The following COL18A1 variants were observed in gnomAD, a reference collection of about 807,000 sequenced individuals.
COL18A1 encodes the protein collagen type XVIII alpha 1 chain, also known as collagen alpha-1(XVIII) chain.
A neutral mutation model predicts 168.0 loss-of-function variants in COL18A1; 133 were observed. That is an observed-to-expected ratio of 0.79 (90% CI 0.69 to 0.91). COL18A1 has a LOEUF of 0.91. Among genes scored for constraint, COL18A1 ranks in the 40% least tolerant of loss-of-function variants. The pLI is 0.00. For synonymous variants in COL18A1, 949 were observed against 809.0 expected (o/e 1.17, Z -2.94); for missense variants, 2,126 against 1,925.4 (o/e 1.10, Z -1.95).
rs1409678424 is a variant in COL18A1 at position 45,504,443 on chromosome 21, G to A, written c.2755G>A (p.Gly919Arg). The A allele has an allele frequency of 2.5e-6, 4 of 1,611,660 alleles. No individual in the cohort carries two copies. The highest frequency in any genetic ancestry group is 1.3e-5 in the African/African-American group (1 of 74,908). The change falls in exon 34 of 42, where the codon GGA (glycine) becomes AGA (arginine). Residue 919 changes from glycine to arginine, a missense_variant. By Grantham distance (125) the Gly-to-Arg change is moderately radical. Coordinates refer to ENST00000651438, the MANE Select transcript of COL18A1 (RefSeq NM_001379500.1). The part of the protein sequence containing the change: ...KGEKGDRGDA[G>R]QKGERGEPGG... ...GGAGAAGGGAGACCGAGGTGATGCAGGACAGAAAGGCGAAAGGGGGGAGCC... is the reference window on the plus strand; with the variant it reads ...GGAGAAGGGAGACCGAGGTGATGCAAGACAGAAAGGCGAAAGGGGGGAGCC...
chr21:45,431,520 G>A (rs1239566732), intron 2 of COL18A1, among the ~76,000 whole-genome samples: 2 of 121,956 alleles, frequency 1.6e-5, no homozygotes, highest in Non-Finnish European at 3.3e-5. Context: ...GCCCAGGGGA[G>A]GGGGGCAGGC....
chr21:45,444,649 CG>C (rs2034466973), intron 2 of COL18A1, among the ~76,000 whole-genome samples: 1 of 151,972 alleles, frequency 6.6e-6, no homozygotes. Flanking sequence ...AGAGAGGCTC[CG>C]GGGAGTGGAG....
rs891700264 is a variant in COL18A1 at position 45,464,467 on chromosome 21, C to A, written c.107-3775C>A. The stretch of plus-strand genomic sequence containing the variant: ...AGGTGGGGGCACCGTGTCCATCCCC[C>A]CATGGGTTTGTGCCAATTTGCATAT... On this transcript the variant is annotated intron_variant, in intron 2 of 41. Transcript: ENST00000651438. 1.5e-4 allele frequency among the ~76,000 whole-genome samples: 23 copies of A among 152,200 alleles called. 1 individual carries two copies. The highest frequency in any genetic ancestry group is 1.5e-3 in the Admixed American group (23 of 15,288).
chr21:45,507,695 G>A (rs1195328907), intron 38 of COL18A1, 102 bp downstream of exon 38: 3 of 1,119,152 alleles, frequency 2.7e-6, no homozygotes, highest in African/African-American at 1.5e-5. Context: ...TTGGAGTCCT[G>A]GAGCTGAACA....
chr21:45,439,416 C>T (rs534123964), intron 2 of COL18A1, among the ~76,000 whole-genome samples: 4 of 152,256 alleles, frequency 2.6e-5, no homozygotes, highest in African/African-American at 9.6e-5. Context: ...GAGGTCATGA[C>T]CTTTTACTTT....
intron 2 of COL18A1, among the ~76,000 whole-genome samples, chr21:45,450,642 G>C (rs192543724): frequency 6.6e-6 from 1 of 152,350 alleles, no homozygotes; most frequent in East Asian, 1.9e-4. Flanking sequence ...TCGGGGCAGG[G>C]CGGAGACAGT....
chr21:45,452,867 T>C (rs983204308), intron 2 of COL18A1, among the ~76,000 whole-genome samples: 2 of 152,192 alleles, frequency 1.3e-5, no homozygotes, highest in Non-Finnish European at 2.9e-5. Context: ...GGGGCTTGTG[T>C]ATGCATGTGA....
chr21:45,494,701 G>T, intron 27 of COL18A1, 130 bp downstream of exon 27: 3 of 1,432,840 alleles, frequency 2.1e-6, no homozygotes, highest in Non-Finnish European at 2.0e-6. Context: ...TTTAAAGCGT[G>T]TGGGGCAGGT....
chr21:45,494,315 A>G (rs1306138187), intron 26 of COL18A1: 3 of 592,272 alleles, frequency 5.1e-6, no homozygotes, highest in South Asian at 1.9e-5. Flanking sequence ...ACCTGGACGC[A>G]AACCCCAAAC....
At chr21:45,467,576 G>A (rs573960704) in intron 2 of COL18A1, among the ~76,000 whole-genome samples, 231 of 152,288 alleles carry the variant, frequency 1.5e-3, no homozygotes, top group African/African-American at 5.5e-3. Context: ...ATCCCGCACC[G>A]TGTCCTCAGA....
chr21:45,496,993 G>A, intron 30 of COL18A1, 57 bp from the exon 31 acceptor site: 1 of 1,254,188 alleles, frequency 8.0e-7, no homozygotes, highest in Non-Finnish European at 1.2e-6. Context: ...CCTGAGTGGT[G>A]GTGGCCTCCA....
chr21:45,498,575 A>G lies in COL18A1; in HGVS notation c.2683+914A>G. 1.4e-6 allele frequency: 1 copy of G among 716,556 alleles called. No individual in the cohort carries two copies. Among genetic ancestry groups the G allele is most frequent in the Non-Finnish European group, 2.6e-6 (1 of 384,622 alleles). The allele number at this position is 716,556 out of a possible 1,614,324, so 44.4% of individuals were successfully genotyped here. On this transcript the variant is annotated intron_variant, in intron 32 of 41. Coordinates refer to ENST00000651438, the MANE Select transcript of COL18A1 (RefSeq NM_001379500.1). This position sits in a 1 kb window ranked among gnomAD's most constrained non-coding sequence, Gnocchi z 4.5. The stretch of plus-strand genomic sequence containing the variant: ...ACTCTGGGGTGGGAAGGGACCAGGC[A>G]GGCAGAGGCCGAGTCTGGGCCGGGA...
chr21:45,461,080 T>C (rs542851063), intron 2 of COL18A1, among the ~76,000 whole-genome samples: 3 of 152,308 alleles, frequency 2.0e-5, no homozygotes, highest in African/African-American at 7.2e-5. Flanking sequence ...AAACTTAAGA[T>C]CTACTCAAGT....
At chr21:45,511,736 G>T (rs922128102) in intron 41 of COL18A1, among the ~76,000 whole-genome samples, 1 of 152,174 alleles carries the variant, frequency 6.6e-6, no homozygotes, top group Admixed American at 6.5e-5. Context: ...GCCACACAGC[G>T]TGTCCCCAGC....
Position 45,494,994 on chromosome 21 carries a change from A to G in COL18A1, c.2433+79A>G, listed in dbSNP as rs185451821. 1,837 of 1,299,138 alleles carry G rather than the reference A, an allele frequency of 1.4e-3. 26 individuals carry two copies. In the African/African-American group the frequency reaches 0.023, roughly 16 times the overall value. 80.5% of individuals were successfully genotyped at this position (1,299,138 alleles called of 1,614,324 possible). On this transcript the variant is annotated intron_variant, in intron 28 of 41. Coordinates refer to ENST00000651438, the MANE Select transcript of COL18A1 (RefSeq NM_001379500.1). ...AGCAGCCCAGGCCCACGGGGGTGAC[A>G]TGCCCAGAGGGGAGTGGACGGCCGC...
At chr21:45,510,926 A>AC (rs1011955859) in intron 40 of COL18A1, among the ~76,000 whole-genome samples, 185 bp from the exon 41 acceptor site, 4 of 109,910 alleles carry the variant, frequency 3.6e-5, no homozygotes, top group South Asian at 3.2e-4. Context: ...GCAGAACCCC[A>AC]CCCCCCAAAA....
At chr21:45,475,652 G>A (rs1044471318) in intron 5 of COL18A1, 117 bp downstream of exon 5, 20 of 894,736 alleles carry the variant, frequency 2.2e-5, no homozygotes, top group South Asian at 5.9e-5. Flanking sequence ...TCTATGCCAC[G>A]AAGACATATT....
At chr21:45,437,269 G>C (rs1402240308) in intron 2 of COL18A1, among the ~76,000 whole-genome samples, 10 of 67,540 alleles carry the variant, frequency 1.5e-4, no homozygotes, top group Non-Finnish European at 1.6e-4. Context: ...CACACACTCA[G>C]ACACACAGGC....
chr21:45,449,354 G>A (rs887261872), intron 2 of COL18A1, among the ~76,000 whole-genome samples: 6 of 152,168 alleles, frequency 3.9e-5, no homozygotes, highest in African/African-American at 1.2e-4. Context: ...CCCACCACTC[G>A]TGATCACCCA....
Sources: allele counts gnomAD v4.1 joint callset (sites outside exome capture counted in the v4.1 genomes callset), GRCh38; gene constraint gnomAD v4.1.1; non-coding constraint Gnocchi (gnomAD v3.1); transcripts MANE v1.5; gene names NCBI Gene and HGNC (gene_info 2026-07-23, HGNC 2026-07-21).